PCDH9: variants seen among roughly 807,000 people sequenced by gnomAD.
PCDH9 encodes protocadherin-9.
In PCDH9, 24 loss-of-function variants were observed where a neutral mutation model predicts 70.6. The observed-to-expected ratio is 0.34, with a 90% CI of 0.25 to 0.48. The LOEUF (loss-of-function observed/expected upper bound fraction) is 0.48, where lower values mean the gene tolerates loss of function less well. Among genes scored for constraint, PCDH9 ranks in the 20% least tolerant of loss-of-function variants. The pLI is 0.99. For missense variants in PCDH9, 1,281 were observed against 1,503.6 expected (o/e 0.85, Z 2.45); for synonymous variants, 562 against 558.5 (o/e 1.01, Z -0.09).
intron 4 of PCDH9, among the ~76,000 whole-genome samples, chr13:66,590,988 T>G (rs1024927340): frequency 6.6e-6 from 1 of 151,778 alleles, no homozygotes; most frequent in Non-Finnish European, 1.5e-5. Flanking sequence ...AAAAGAAATA[T>G]AGAATTACAA....
intron 4 of PCDH9, among the ~76,000 whole-genome samples, chr13:66,397,635 T>C (rs1957125631): frequency 6.6e-6 from 1 of 151,548 alleles, no homozygotes; most frequent in Non-Finnish European, 1.5e-5. Context: ...ATTTTGTATA[T>C]ATATACACAA....
intron 4 of PCDH9, among the ~76,000 whole-genome samples, chr13:66,461,424 A>T (rs1294777064): frequency 6.6e-6 from 1 of 151,742 alleles, no homozygotes; most frequent in Admixed American, 6.6e-5. Context: ...AGTGATTAGA[A>T]ATAATATTGA....
intron 3 of PCDH9, among the ~76,000 whole-genome samples, chr13:66,756,828 T>C (rs367571932): frequency 1.3e-5 from 2 of 152,192 alleles, no homozygotes; most frequent in Admixed American, 1.3e-4. Flanking sequence ...ATGTGATTGA[T>C]TTATTTTATT....
At chr13:66,558,601 C>A (rs754455758) in intron 4 of PCDH9, among the ~76,000 whole-genome samples, 25 of 151,980 alleles carry the variant, frequency 1.6e-4, no homozygotes, top group Admixed American at 6.6e-5. Flanking sequence ...ACCTTTCCTT[C>A]CTCTCTGAAA....
At chr13:66,326,846 A>G (rs977583829) in intron 4 of PCDH9, among the ~76,000 whole-genome samples, 2 of 152,232 alleles carry the variant, frequency 1.3e-5, no homozygotes, top group Non-Finnish European at 2.9e-5. Flanking sequence ...TTAAAAAACT[A>G]TTAAACATAC....
intron 3 of PCDH9, among the ~76,000 whole-genome samples, chr13:66,779,873 A>ATATATGTGTG (rs375882917): frequency 3.3e-4 from 38 of 115,782 alleles, no homozygotes; most frequent in East Asian, 9.7e-4. Flanking sequence ...ATATACATAT[A>ATATATGTGTG]TGTGTGTGTG....
intron 3 of PCDH9, among the ~76,000 whole-genome samples, chr13:66,884,141 G>A (rs1003316427): frequency 1.3e-5 from 2 of 151,756 alleles, no homozygotes; most frequent in African/African-American, 2.4e-5. Flanking sequence ...CAAGTGATCC[G>A]CCTGCCTCTG....
intron 2 of PCDH9, among the ~76,000 whole-genome samples, chr13:67,024,546 C>A (rs2084741893): frequency 6.6e-6 from 1 of 151,784 alleles, no homozygotes; most frequent in Admixed American, 6.6e-5. Context: ...AGGTTTTTTT[C>A]TACTTATTGT....
chr13:67,097,480 A>C (rs142295383), intron 2 of PCDH9, among the ~76,000 whole-genome samples: 3,703 of 152,246 alleles, frequency 0.024, 70 homozygotes, highest in Middle Eastern at 0.051. Context: ...CATTCTTTTC[A>C]CTAGGAAAAA....
chr13:66,313,596 A>G (rs1955601787), intron 4 of PCDH9, among the ~76,000 whole-genome samples: 1 of 152,232 alleles, frequency 6.6e-6, no homozygotes, highest in South Asian at 2.1e-4. Flanking sequence ...AGTAGTACAC[A>G]ATGTTATGAA....
At chr13:66,400,887 C>T (rs920680329) in intron 4 of PCDH9, among the ~76,000 whole-genome samples, 3 of 152,114 alleles carry the variant, frequency 2.0e-5, no homozygotes, top group Non-Finnish European at 4.4e-5. Context: ...TTCCTCTGTG[C>T]TTTAGAAGTT....
At chr13:66,809,147 A>G (rs2080458552) in intron 3 of PCDH9, among the ~76,000 whole-genome samples, 1 of 152,036 alleles carries the variant, frequency 6.6e-6, no homozygotes, top group Non-Finnish European at 1.5e-5. Flanking sequence ...ACGGGGTTTC[A>G]CCGTGTTAGC....
chr13:66,457,233 G>T (rs1365280366), intron 4 of PCDH9, among the ~76,000 whole-genome samples: 1 of 152,018 alleles, frequency 6.6e-6, no homozygotes, highest in Non-Finnish European at 1.5e-5. Flanking sequence ...ATATTCATAT[G>T]TATGAATGCA....
chr13:66,411,217 T>G (rs1216600303), intron 4 of PCDH9, among the ~76,000 whole-genome samples: 1 of 152,246 alleles, frequency 6.6e-6, no homozygotes, highest in Non-Finnish European at 1.5e-5. Flanking sequence ...GGATAATCAC[T>G]TCTTTACGCA....
intron 2 of PCDH9, among the ~76,000 whole-genome samples, chr13:67,016,239 C>T (rs1254442176): frequency 6.6e-6 from 1 of 152,090 alleles, no homozygotes. Flanking sequence ...GAAAATAAGA[C>T]TAATAGAAAT....
At chr13:66,676,318 T>C (rs2078241933) in intron 3 of PCDH9, among the ~76,000 whole-genome samples, 1 of 152,158 alleles carries the variant, frequency 6.6e-6, no homozygotes. Context: ...GAGATAATTG[T>C]AATTATTATT....
chr13:67,013,199 C>T (rs974377398), intron 2 of PCDH9, among the ~76,000 whole-genome samples: 1 of 151,028 alleles, frequency 6.6e-6, no homozygotes, highest in Non-Finnish European at 1.5e-5. Flanking sequence ...CAGAAATAAC[C>T]AGTGCTAAAA....
chr13:66,457,963 T>A (rs368025466), intron 4 of PCDH9, among the ~76,000 whole-genome samples: 8 of 152,012 alleles, frequency 5.3e-5, no homozygotes, highest in African/African-American at 1.9e-4. Context: ...TTTTTAAGTT[T>A]TGTGTGTATA....
rs1288470243 is a variant in PCDH9, at chr13:66,900,046, G to A, written c.3138+3458C>T. 2.6e-5 allele frequency among the ~76,000 whole-genome samples: 4 copies of A among 151,848 alleles called. 1 individual carries two copies. The South Asian group carries it at 6.2e-4, about 24-fold the overall frequency. ...GAGAGGTAGGGCAAGCTACTCAATC[G>A]CTGTTATCTTCACGTTATGTTTCAG... On this transcript the variant is annotated intron_variant, in intron 3 of 4. Transcript: ENST00000377865.
Sources: allele counts gnomAD v4.1 joint callset (sites outside exome capture counted in the v4.1 genomes callset), GRCh38; gene constraint gnomAD v4.1.1; transcripts MANE v1.5; gene names NCBI Gene and HGNC (gene_info 2026-07-23, HGNC 2026-07-21).